The following DLG2 variants were observed in gnomAD, a reference collection of about 807,000 sequenced individuals.
DLG2 encodes the protein discs large MAGUK scaffold protein 2, also known as disks large homolog 2.
DLG2 carries 45 observed loss-of-function variants against 132.5 expected under a neutral mutation model. The observed-to-expected ratio is 0.34, with a 90% CI of 0.27 to 0.44. DLG2 has a LOEUF of 0.44. DLG2 is among the 20% of genes least tolerant of loss of function. The pLI is 1.00. For missense variants in DLG2, 1,045 were observed against 1,196.9 expected (o/e 0.87, Z 1.87); for synonymous variants, 424 against 419.6 (o/e 1.01, Z -0.13).
chr11:84,066,404 C>A (rs925374116), intron 10 of DLG2, among the ~76,000 whole-genome samples: 1 of 152,082 alleles, frequency 6.6e-6, no homozygotes, highest in African/African-American at 2.4e-5. Context: ...AAGATTCTGA[C>A]CAGCACACTT....
At chr11:83,745,417 T>C (rs984104567) in intron 18 of DLG2, among the ~76,000 whole-genome samples, 3 of 152,212 alleles carry the variant, frequency 2.0e-5, no homozygotes, top group Non-Finnish European at 2.9e-5. Context: ...AAGATTTTAC[T>C]CTCTCAATTA....
At chr11:84,788,988 G>A (rs1322098343) in intron 6 of DLG2, among the ~76,000 whole-genome samples, 1 of 152,112 alleles carries the variant, frequency 6.6e-6, no homozygotes, top group Non-Finnish European at 1.5e-5. Flanking sequence ...AATCCAGAAT[G>A]AATTCATCCC....
At chr11:84,630,979 T>TTG (rs2099630596) in intron 6 of DLG2, among the ~76,000 whole-genome samples, 1 of 51,172 alleles carries the variant, frequency 2.0e-5, no homozygotes, top group Non-Finnish European at 4.0e-5. Context: ...TTAAATGCAT[T>TTG]TCTCTCTCTC....
At chr11:83,875,820 A>C (rs971587050) in intron 15 of DLG2, among the ~76,000 whole-genome samples, 1 of 152,188 alleles carries the variant, frequency 6.6e-6, no homozygotes, top group African/African-American at 2.4e-5. Context: ...TCTTTCATTC[A>C]GAACCTTGGT....
intron 6 of DLG2, among the ~76,000 whole-genome samples, chr11:84,909,599 C>T (rs1017960128): frequency 7.2e-5 from 11 of 152,216 alleles, no homozygotes; most frequent in Middle Eastern, 6.8e-3. Flanking sequence ...TGGTCATCTA[C>T]GGCCCAATTA....
At chr11:85,259,269 CCT>C (rs900550414) in intron 4 of DLG2, among the ~76,000 whole-genome samples, 11 of 152,104 alleles carry the variant, frequency 7.2e-5, no homozygotes, top group African/African-American at 2.4e-4. Flanking sequence ...TTCGCTCTCT[CCT>C]CTCTCCTGCT....
At chr11:85,563,172 T>C (rs2077347025) in intron 3 of DLG2, among the ~76,000 whole-genome samples, 1 of 151,774 alleles carries the variant, frequency 6.6e-6, no homozygotes, top group Admixed American at 6.6e-5. Flanking sequence ...CAAGCAGCTT[T>C]ACCTCCTTTA....
At chr11:85,469,905 C>T (rs993169356) in intron 3 of DLG2, among the ~76,000 whole-genome samples, 10 of 152,072 alleles carry the variant, frequency 6.6e-5, no homozygotes, top group South Asian at 4.1e-4. Flanking sequence ...TCATATAATG[C>T]CCTTCCTCTA....
chr11:84,002,241 C>T (rs528020560), intron 11 of DLG2, among the ~76,000 whole-genome samples: 1 of 152,166 alleles, frequency 6.6e-6, no homozygotes, highest in Non-Finnish European at 1.5e-5. Flanking sequence ...TTGATACATG[C>T]ATTAGTCTGT....
intron 7 of DLG2, among the ~76,000 whole-genome samples, chr11:84,363,336 C>T (rs1359326544): frequency 4.6e-4 from 70 of 151,452 alleles, no homozygotes; most frequent in African/African-American, 1.5e-3. Context: ...TCATGTCCTT[C>T]GCCCACTTTT....
intron 18 of DLG2, among the ~76,000 whole-genome samples, chr11:83,685,333 A>G (rs1306916484): frequency 1.3e-5 from 2 of 152,168 alleles, no homozygotes; most frequent in African/African-American, 2.4e-5. Context: ...AATGACTTCA[A>G]TCAGGCTTCC....
chr11:85,320,566 T>C (rs2152822935), intron 3 of DLG2, among the ~76,000 whole-genome samples: 1 of 151,974 alleles, frequency 6.6e-6, no homozygotes, highest in South Asian at 2.1e-4. Context: ...AAAATAAATA[T>C]ATGATATATG....
intron 6 of DLG2, among the ~76,000 whole-genome samples, chr11:84,899,264 T>A (rs1432900065): frequency 6.6e-6 from 1 of 152,032 alleles, no homozygotes; most frequent in African/African-American, 2.4e-5. Context: ...TACAATAGAT[T>A]TGAGGAAGGT....
intron 22 of DLG2, among the ~76,000 whole-genome samples, chr11:83,479,193 G>A (rs764618512): frequency 6.6e-6 from 1 of 151,438 alleles, no homozygotes; most frequent in African/African-American, 2.4e-5. Flanking sequence ...TTATTCCTTG[G>A]TCTACATCTT....
chr11:83,874,247 GGAAGGAAGGAAGGAAA>G (rs1454908416), intron 16 of DLG2, among the ~76,000 whole-genome samples, 157 bp downstream of exon 16: 3 of 25,796 alleles, frequency 1.2e-4, no homozygotes, highest in African/African-American at 4.1e-4. Context: ...AAGAAAGAAG[GGAAGGAAGGAAGGAAA>G]GAAGGAAGGA....
At chr11:83,752,718 G>A (rs886080548) in intron 18 of DLG2, among the ~76,000 whole-genome samples, 1 of 146,528 alleles carries the variant, frequency 6.8e-6, no homozygotes, top group Non-Finnish European at 1.5e-5. Context: ...TTTCTCCTAA[G>A]GGATTGATTC....
At chr11:85,393,118 A>C (rs1373288504) in intron 3 of DLG2, among the ~76,000 whole-genome samples, 6 of 152,118 alleles carry the variant, frequency 3.9e-5, no homozygotes, top group Non-Finnish European at 7.4e-5. Flanking sequence ...AGAAACTCAA[A>C]TCAGCAAGAA....
intron 3 of DLG2, among the ~76,000 whole-genome samples, chr11:85,532,974 T>A (rs952987767): frequency 1.3e-5 from 2 of 152,170 alleles, no homozygotes; most frequent in African/African-American, 4.8e-5. Context: ...AAAAGAAATT[T>A]TGTGACTCAA....
chr11:84,989,930 G>T (rs1216584266), intron 6 of DLG2, among the ~76,000 whole-genome samples: 1 of 152,130 alleles, frequency 6.6e-6, no homozygotes, highest in African/African-American at 2.4e-5. Flanking sequence ...GGAGCAATTG[G>T]ACATCTAAAC....
Sources: allele counts gnomAD v4.1 joint callset (sites outside exome capture counted in the v4.1 genomes callset), GRCh38; gene constraint gnomAD v4.1.1; transcripts MANE v1.5; gene names NCBI Gene and HGNC (gene_info 2026-07-23, HGNC 2026-07-21).